Variants in SPHKAP observed in about 807,000 individuals in gnomAD.
SPHKAP encodes SPHK1 interactor, AKAP domain containing, also known as A-kinase anchor protein SPHKAP.
Under a neutral mutation model 137.5 loss-of-function variants are expected in SPHKAP, and 67 were observed. That is an observed-to-expected ratio of 0.49 (90% CI 0.40 to 0.60). The LOEUF is 0.60. Ranked by LOEUF, SPHKAP falls within the 20% of genes least tolerant of loss-of-function variation. SPHKAP has a pLI of 0.00. For synonymous variants in SPHKAP, 813 were observed against 785.3 expected (o/e 1.04, Z -0.59); for missense variants, 2,097 against 2,069.3 (o/e 1.01, Z -0.26).
At chr2:228,001,288 T>TAA (rs1693854892) in intron 7 of SPHKAP, among the ~76,000 whole-genome samples, 1 of 116,132 alleles carries the variant, frequency 8.6e-6, no homozygotes, top group African/African-American at 3.3e-5. Context: ...TATACATATA[T>TAA]CTATACATAT....
intron 1 of SPHKAP, among the ~76,000 whole-genome samples, chr2:228,176,731 C>T (rs1352967723): frequency 1.3e-5 from 2 of 152,076 alleles, no homozygotes; most frequent in South Asian, 2.1e-4. Context: ...ATTAGCCGGG[C>T]GTGGTGGCGC....
chr2:228,124,570 C>A (rs1039202767), intron 2 of SPHKAP, among the ~76,000 whole-genome samples: 1 of 116,802 alleles, frequency 8.6e-6, no homozygotes, highest in Non-Finnish European at 1.6e-5. Context: ...ACATCACACA[C>A]GAGGGCCTGT....
intron 3 of SPHKAP, among the ~76,000 whole-genome samples, chr2:228,079,689 G>A (rs1697297874): frequency 6.6e-6 from 1 of 152,170 alleles, no homozygotes. Context: ...CAGCCCCTGT[G>A]GACCTAGGGT....
At chr2:228,015,259 T>A (rs970727687) in intron 7 of SPHKAP, among the ~76,000 whole-genome samples, 1 of 150,910 alleles carries the variant, frequency 6.6e-6, no homozygotes, top group Non-Finnish European at 1.5e-5. Context: ...CTCATCATTT[T>A]TTTATGGCTG....
chr2:228,153,170 T>G (rs1699990433), intron 1 of SPHKAP, among the ~76,000 whole-genome samples: 1 of 152,146 alleles, frequency 6.6e-6, no homozygotes, highest in African/African-American at 2.4e-5. Context: ...CAGTCTCAGG[T>G]GTGTCTTTAT....
rs1428957782 is a variant in SPHKAP at position 228,077,256 on chromosome 2, A to C, written c.246+31576T>G. 2.0e-5 allele frequency among the ~76,000 whole-genome samples: 3 copies of C among 152,174 alleles called. No homozygotes were observed. The East Asian group carries it at 5.8e-4, about 29-fold the overall frequency. On this transcript the variant is annotated intron_variant, in intron 3 of 11. Transcript: ENST00000392056. Reference sequence around the variant, plus strand: ...CCTCCCCCACCCCCACAGAGTCCCTACTGGGGCACCACCTAGTGGAGCTGT... The same window carrying C: ...CCTCCCCCACCCCCACAGAGTCCCTCCTGGGGCACCACCTAGTGGAGCTGT...
chr2:228,040,508 G>GTGAT (rs1265049445), intron 3 of SPHKAP, among the ~76,000 whole-genome samples: 4 of 152,144 alleles, frequency 2.6e-5, no homozygotes, highest in African/African-American at 9.7e-5. Flanking sequence ...TTGCTTTGAA[G>GTGAT]TGATTGCAAC....
intron 1 of SPHKAP, among the ~76,000 whole-genome samples, chr2:228,143,723 C>T (rs1200470245): frequency 3.1e-5 from 4 of 128,236 alleles, no homozygotes; most frequent in Non-Finnish European, 6.3e-5. Flanking sequence ...CCAGGCTAAT[C>T]TCGAACTCCT....
chr2:228,003,123 TG>T (rs1456438987), intron 7 of SPHKAP, among the ~76,000 whole-genome samples: 4 of 152,218 alleles, frequency 2.6e-5, no homozygotes, highest in Admixed American at 2.0e-4. Context: ...GGTAGCTTGA[TG>T]GGGATGGCAT....
At position 228,120,524 on chromosome 2, in the gene SPHKAP, TC is replaced by T. The variant is rs765593132; in HGVS notation, c.138+11455del. 8.5e-5 allele frequency among the ~76,000 whole-genome samples: 13 copies of T among 152,296 alleles called. 1 individual carries two copies. The East Asian group carries it at 1.2e-3, about 14-fold the overall frequency. ...GTATGTTACCCTGGGCCAGAACGCATCCTAAGATGGCAAGAAATGACCTGCA... is the reference window on the plus strand; with the variant it reads ...GTATGTTACCCTGGGCCAGAACGCATCTAAGATGGCAAGAAATGACCTGCA... On this transcript the variant is annotated intron_variant, in intron 2 of 11. Coordinates refer to ENST00000392056, the MANE Select transcript of SPHKAP (RefSeq NM_001142644.2).
At chr2:228,068,407 G>T (rs2106297446) in intron 3 of SPHKAP, among the ~76,000 whole-genome samples, 1 of 151,362 alleles carries the variant, frequency 6.6e-6, no homozygotes, top group Middle Eastern at 3.4e-3. Context: ...AACCACAAAA[G>T]AACCAGAAGA....
At chr2:228,039,804 G>A (rs919714255) in intron 3 of SPHKAP, among the ~76,000 whole-genome samples, 6 of 152,170 alleles carry the variant, frequency 3.9e-5, no homozygotes, top group African/African-American at 1.2e-4. Flanking sequence ...CACATAGAAA[G>A]AACTGATGAT....
At chr2:228,070,362 C>T (rs901815571) in intron 3 of SPHKAP, among the ~76,000 whole-genome samples, 7 of 152,032 alleles carry the variant, frequency 4.6e-5, no homozygotes, top group South Asian at 4.1e-4. Context: ...GTAGAGGAGG[C>T]GGAAGGGGAG....
chr2:228,069,150 C>A lies in SPHKAP; in HGVS notation c.246+39682G>T, dbSNP rs1296866563. Among the ~76,000 whole-genome samples, 56 of 152,086 alleles carry A rather than the reference C, an allele frequency of 3.7e-4. 1 individual carries two copies. The highest frequency in any genetic ancestry group is 3.7e-3 in the Admixed American group (56 of 15,264). ...GGTGTGGTGGCAGGTGCCTGTGATC[C>A]CAGCTACTTGGGAGGCTGACATGGG... is the stretch of plus-strand genomic sequence containing the variant. On this transcript the variant is annotated intron_variant, in intron 3 of 11. Coordinates refer to ENST00000392056, the MANE Select transcript of SPHKAP (RefSeq NM_001142644.2).
At chr2:228,040,804 A>G (rs1695808117) in intron 3 of SPHKAP, among the ~76,000 whole-genome samples, 1 of 152,166 alleles carries the variant, frequency 6.6e-6, no homozygotes, top group African/African-American at 2.4e-5. Context: ...ATTTAGTGTT[A>G]TTGTCTTAGA....
chr2:228,134,684 C>G (rs1413474630), intron 1 of SPHKAP, among the ~76,000 whole-genome samples: 1 of 152,156 alleles, frequency 6.6e-6, no homozygotes, highest in African/African-American at 2.4e-5. Context: ...AACTTGACCT[C>G]TAAGTCAAGT....
intron 3 of SPHKAP, among the ~76,000 whole-genome samples, chr2:228,103,173 T>C (rs944672742): frequency 6.6e-6 from 1 of 152,150 alleles, no homozygotes; most frequent in Non-Finnish European, 1.5e-5. Context: ...GTCATGCTTT[T>C]CCCCCAACCC....
Position 227,991,340 on chromosome 2 carries a change from C to A in SPHKAP, c.4722-14G>T. The stretch of plus-strand genomic sequence containing the variant: ...TCTACTAATTCACTTTGGGAGAAAA[C>A]AACAGTATATGGTTGGTAATGTTTA... On this transcript the variant is annotated splice_polypyrimidine_tract_variant and intron_variant, in intron 9 of 11. Transcript: ENST00000392056. 3 of 1,614,108 alleles carry A rather than the reference C, an allele frequency of 1.9e-6. No individual in the cohort carries two copies. The South Asian group carries it at 3.3e-5, about 18-fold the overall frequency.
rs909451739 is a variant in SPHKAP, at chr2:228,072,456, T to A, written c.246+36376A>T. Reference sequence around the variant, plus strand: ...ACATTGAGAAGCTACTTTTGCATGATGTGACACTGCATTTTCCAGAGGAGA... The same window carrying A: ...ACATTGAGAAGCTACTTTTGCATGAAGTGACACTGCATTTTCCAGAGGAGA... On this transcript the variant is annotated intron_variant, in intron 3 of 11. Transcript: ENST00000392056. Among the ~76,000 whole-genome samples the A allele has an allele frequency of 2.6e-5, 4 of 152,158 alleles. No individual in the cohort carries two copies. The East Asian group carries it at 5.8e-4, about 22-fold the overall frequency.
Sources: allele counts gnomAD v4.1 joint callset (sites outside exome capture counted in the v4.1 genomes callset), GRCh38; gene constraint gnomAD v4.1.1; transcripts MANE v1.5; gene names NCBI Gene and HGNC (gene_info 2026-07-23, HGNC 2026-07-21).